GRIK3: variants seen among roughly 807,000 people sequenced by gnomAD.
GRIK3 encodes glutamate ionotropic receptor kainate type subunit 3.
In GRIK3, 29 loss-of-function variants were observed where a neutral mutation model predicts 102.5. The observed-to-expected ratio is 0.28, with a 90% confidence interval of 0.21 to 0.39. The LOEUF (loss-of-function observed/expected upper bound fraction) is 0.39. GRIK3 is among the 10% of genes least tolerant of loss of function. The pLI is 1.00. For synonymous variants in GRIK3, 511 were observed against 504.9 expected, an observed-to-expected ratio of 1.01 and a Z score of -0.16; for missense variants, 908 against 1,252.4, an observed-to-expected ratio of 0.73 and a Z score of 4.15.
At chr1:36,941,242 C>T (rs1641715891) in intron 1 of GRIK3, among the ~76,000 whole-genome samples, 1 of 152,222 alleles carries the variant, frequency 6.6e-6, no homozygotes. Context: ...AGGACACAGC[C>T]TGCATCTACC....
At position 36,850,460 on chromosome 1, in the gene GRIK3, C is replaced by A. The variant is rs368930002; in HGVS notation, c.1213-36G>T. The A allele has an allele frequency of 1.6e-5, 20 of 1,223,036 alleles. No homozygotes were observed. The highest frequency in any genetic ancestry group is 1.9e-4 in the Middle Eastern group (1 of 5,348). The allele number at this position is 1,223,036 out of a possible 1,614,324, so 75.8% of individuals were successfully genotyped here. The stretch of plus-strand genomic sequence containing the variant: ...ACAGACAGAAAACAGGGTGCCGAGT[C>A]CTTGGTCTACCCATCTTCCTCCATA... On this transcript the variant is annotated intron_variant, in intron 8 of 15. Coordinates refer to ENST00000373091, the MANE Select transcript of GRIK3 (RefSeq NM_000831.4). The surrounding 1 kb of genome is among the most constrained non-coding windows in gnomAD (Gnocchi z 4.0).
At chr1:36,945,918 G>A (rs56188899) in intron 1 of GRIK3, among the ~76,000 whole-genome samples, 6,294 of 152,262 alleles carry the variant, frequency 0.041, 439 homozygotes, top group African/African-American at 0.14. Context: ...TGTGCTCCAA[G>A]GGGGACCTAC....
chr1:37,010,460 G>A (rs1434658938), intron 1 of GRIK3, among the ~76,000 whole-genome samples: 1 of 152,216 alleles, frequency 6.6e-6, no homozygotes, highest in Non-Finnish European at 1.5e-5. Flanking sequence ...AGGAAGTGGT[G>A]GAGCCGGGAT....
chr1:36,861,942 G>T (rs542998680), intron 5 of GRIK3, among the ~76,000 whole-genome samples: 6 of 152,188 alleles, frequency 3.9e-5, no homozygotes, highest in Non-Finnish European at 8.8e-5. Context: ...AGTAGGGAGT[G>T]GGGGGTGGCA....
intron 1 of GRIK3, among the ~76,000 whole-genome samples, chr1:37,000,450 C>G (rs556111169): frequency 1.3e-3 from 199 of 152,038 alleles, no homozygotes; most frequent in Middle Eastern, 3.4e-3. Flanking sequence ...AAATGAAGTT[C>G]AGAGAGGAAA....
At chr1:36,833,869 T>C (rs546491374) in intron 10 of GRIK3, among the ~76,000 whole-genome samples, 1 of 152,304 alleles carries the variant, frequency 6.6e-6, no homozygotes, top group Admixed American at 6.5e-5. Flanking sequence ...TTGCCCTTCC[T>C]GGCTTCCCCT....
At chr1:36,997,077 A>C (rs1642428042) in intron 1 of GRIK3, among the ~76,000 whole-genome samples, 1 of 152,150 alleles carries the variant, frequency 6.6e-6, no homozygotes, top group Non-Finnish European at 1.5e-5. Flanking sequence ...AGCCAATTCC[A>C]TGTAGGGAAT....
chr1:37,002,121 G>A (rs77381598), intron 1 of GRIK3, among the ~76,000 whole-genome samples: 2,279 of 152,272 alleles, frequency 0.015, 50 homozygotes, highest in African/African-American at 0.05. Flanking sequence ...GAGAAAGAAA[G>A]TACTAGCTTC....
At chr1:36,948,769 C>T (rs894340355) in intron 1 of GRIK3, among the ~76,000 whole-genome samples, 4 of 152,164 alleles carry the variant, frequency 2.6e-5, no homozygotes, top group South Asian at 2.1e-4. Flanking sequence ...GGGGAAGGAG[C>T]GCCTGGCCTC....
chr1:36,872,543 A>AGGT lies in GRIK3; in HGVS notation c.551-177_551-175dup, dbSNP rs1306867456. On this transcript the variant is annotated intron_variant, in intron 3 of 15. Coordinates refer to ENST00000373091, the MANE Select transcript of GRIK3 (RefSeq NM_000831.4). The surrounding 1 kb of genome is among the most constrained non-coding windows in gnomAD (Gnocchi z 5.9). The stretch of plus-strand genomic sequence containing the variant: ...ACGTGCATGGACAACACTGGAGAGC[A>AGGT]GGTGTGTGTGCACATACAAACACAT... 4.6e-5 allele frequency among the ~76,000 whole-genome samples: 7 copies of AGGT among 152,218 alleles called. No individual in the cohort carries two copies. The highest frequency in any genetic ancestry group is 1.0e-4 in the Non-Finnish European group (7 of 68,030).
At chr1:36,804,469 G>A (rs1557686424) in intron 15 of GRIK3, 1 of 156,688 alleles carries the variant, frequency 6.4e-6, no homozygotes, top group Admixed American at 6.5e-5. Context: ...GAATTAATCA[G>A]AAGGCCTGAG....
chr1:36,858,657 T>G (rs752927227), intron 7 of GRIK3, among the ~76,000 whole-genome samples: 6 of 152,168 alleles, frequency 3.9e-5, no homozygotes, highest in Non-Finnish European at 8.8e-5. Context: ...CTGATTATTA[T>G]GTATTGACCC....
chr1:36,881,729 T>G (rs1640980685), intron 2 of GRIK3, among the ~76,000 whole-genome samples: 1 of 152,160 alleles, frequency 6.6e-6, no homozygotes, highest in African/African-American at 2.4e-5. Flanking sequence ...TAAGGTAGAT[T>G]ACGTCACTCC....
intron 9 of GRIK3, among the ~76,000 whole-genome samples, chr1:36,846,044 C>A (rs749362814): frequency 1.5e-4 from 23 of 152,244 alleles, no homozygotes; most frequent in Non-Finnish European, 3.4e-4. Context: ...TGGCTCACAT[C>A]GGCAGCCAAA....
chr1:36,804,469 G>C (rs1557686424), intron 15 of GRIK3: 1 of 156,688 alleles, frequency 6.4e-6, no homozygotes, highest in Non-Finnish European at 1.4e-5. Flanking sequence ...GAATTAATCA[G>C]AAGGCCTGAG....
chr1:36,848,569 C>G (rs927293198), intron 9 of GRIK3, among the ~76,000 whole-genome samples: 2 of 151,922 alleles, frequency 1.3e-5, no homozygotes, highest in Non-Finnish European at 2.9e-5. Context: ...AATTTTTCAT[C>G]TTTCTTACTA....
rs115806876 is a variant in GRIK3, at chr1:36,961,483, C to G, written c.116-70387G>C. 6.6e-3 allele frequency among the ~76,000 whole-genome samples: 1,011 copies of G among 152,342 alleles called. 7 individuals carry two copies. Among genetic ancestry groups the G allele is most frequent in the African/African-American group, 0.016 (664 of 41,584 alleles). The stretch of plus-strand genomic sequence containing the variant: ...GCAGAGACAAAGAAAGCAGCAGGCA[C>G]TGAGAGGGGTGGCTCTCAGGAGGCC... On this transcript the variant is annotated intron_variant, in intron 1 of 15. Transcript: ENST00000373091.
At chr1:36,881,107 G>T (rs1203446228) in intron 2 of GRIK3, among the ~76,000 whole-genome samples, 7 of 152,168 alleles carry the variant, frequency 4.6e-5, no homozygotes, top group Non-Finnish European at 1.5e-5. Flanking sequence ...GGAAAGACAT[G>T]GTTGTGGGAG....
chr1:36,975,108 T>C (rs1642181719), intron 1 of GRIK3, among the ~76,000 whole-genome samples: 1 of 152,266 alleles, frequency 6.6e-6, no homozygotes, highest in South Asian at 2.1e-4. Flanking sequence ...ATCTACTTAA[T>C]GTTACGGAAT....
Sources: allele counts gnomAD v4.1 joint callset (sites outside exome capture counted in the v4.1 genomes callset), GRCh38; gene constraint gnomAD v4.1.1; non-coding constraint Gnocchi (gnomAD v3.1); transcripts MANE v1.5; gene names NCBI Gene and HGNC (gene_info 2026-07-23, HGNC 2026-07-21).